Variants in TAF4 observed in about 807,000 individuals in gnomAD.
TAF4 encodes the protein TATA-box binding protein associated factor 4, also known as transcription initiation factor TFIID subunit 4.
Under a neutral mutation model 90.3 loss-of-function variants are expected in TAF4, and 9 were observed. The ratio of observed to expected loss-of-function variants is 0.10; its 90% confidence interval spans 0.06 to 0.17. The LOEUF (loss-of-function observed/expected upper bound fraction) is 0.17, where lower values mean the gene tolerates loss of function less well. TAF4 is among the 10% of genes least tolerant of loss of function. The pLI is 1.00. For synonymous variants in TAF4, 818 were observed against 638.9 expected, an observed-to-expected ratio of 1.28 and a Z score of -4.23; for missense variants, 1,351 against 1,370.7, an observed-to-expected ratio of 0.99 and a Z score of 0.23.
At position 61,999,091 on chromosome 20, in the gene TAF4, C is replaced by T; in HGVS notation, c.2805G>A (p.Glu935=). Residue 935 remains glutamate (E), a synonymous_variant, in exon 12 of 15, where the codon GAG becomes GAA. Transcript: ENST00000252996. ...NFSYKDDDRY[E]QASDVRAQLK... is the part of the protein sequence containing the mutation. ...GCTGTGCCCGGACGTCACTCGCCTGCTCATATCTGTCGTCATCCTATGAAG... is the reference window on the plus strand; with the variant it reads ...GCTGTGCCCGGACGTCACTCGCCTGTTCATATCTGTCGTCATCCTATGAAG... The T allele has an allele frequency of 6.2e-7, 1 of 1,614,138 alleles. No homozygotes were observed. Among genetic ancestry groups the T allele is most frequent in the Non-Finnish European group, 8.5e-7 (1 of 1,180,034 alleles).
At chr20:61,979,301 C>CA (rs2055519533) in intron 14 of TAF4, 1 of 152,628 alleles carries the variant, frequency 6.6e-6, no homozygotes, top group Admixed American at 6.5e-5. Flanking sequence ...GGTCATGGAG[C>CA]CTGCTTGGAG....
intron 13 of TAF4, among the ~76,000 whole-genome samples, 153 bp from the exon 14 acceptor site, chr20:61,997,822 A>C (rs1360187973): frequency 6.6e-6 from 1 of 152,218 alleles, no homozygotes; most frequent in Admixed American, 6.5e-5. Flanking sequence ...CATATTCTAT[A>C]ATCCAAAAAA....
chr20:62,064,588 A>C lies in TAF4; in HGVS notation c.1223T>G (p.Val408Gly), dbSNP rs1237739025. The change falls in exon 1 of 15, where the codon GTG (valine) becomes GGG (glycine). Residue 408 changes from valine to glycine, a missense_variant. By Grantham distance (109) the Val-to-Gly change is moderately radical (BLOSUM62 -3). Coordinates refer to ENST00000252996, the MANE Select transcript of TAF4 (RefSeq NM_003185.4). ...TGLPKGAAGA[V>G]TQSLSRTPTA... is the part of the protein sequence containing the mutation. ...GGGCGTCCGGGACAGGCTCTGGGTCACTGCGCCGGCCGCGCCTTTGGGCAG... is the reference window on the plus strand; with the variant it reads ...GGGCGTCCGGGACAGGCTCTGGGTCCCTGCGCCGGCCGCGCCTTTGGGCAG... 1.3e-6 allele frequency: 2 copies of C among 1,493,670 alleles called. No homozygotes were observed. Among genetic ancestry groups the C allele is most frequent in the Admixed American group, 2.2e-5 (1 of 45,774 alleles). 92.5% of individuals were successfully genotyped at this position (1,493,670 alleles called of 1,614,324 possible).
chr20:62,063,980 G>A (rs920447186), intron 1 of TAF4, among the ~76,000 whole-genome samples: 16 of 152,246 alleles, frequency 1.1e-4, no homozygotes, highest in Non-Finnish European at 1.5e-4. Context: ...GAAAGGCTAA[G>A]TGGGGACACA....
rs372146792 is a variant in TAF4 at position 61,998,233 on chromosome 20, C to G, written c.2914-41G>C. On this transcript the variant is annotated intron_variant, in intron 12 of 14. Coordinates refer to ENST00000252996, the MANE Select transcript of TAF4 (RefSeq NM_003185.4). ...GCAGAAAAGAAAAGTAAGTTATGAA[C>G]TAAATGTTTATCATTTAACAAATGT... 1.0e-3 allele frequency: 1,627 copies of G among 1,585,740 alleles called. 27 individuals are homozygous for G. The South Asian group carries it at 0.017, about 16-fold the overall frequency.
At chr20:61,982,881 G>A (rs1488920525) in intron 14 of TAF4, among the ~76,000 whole-genome samples, 4 of 151,940 alleles carry the variant, frequency 2.6e-5, no homozygotes, top group Non-Finnish European at 5.9e-5. Context: ...CTCCCAGCCT[G>A]CACCCCCCTC....
intron 1 of TAF4, among the ~76,000 whole-genome samples, chr20:62,020,680 A>G (rs2055837538): frequency 6.6e-6 from 1 of 152,222 alleles, no homozygotes; most frequent in Non-Finnish European, 1.5e-5. Flanking sequence ...CAGACACCAA[A>G]GCAGTGAACT....
intron 1 of TAF4, among the ~76,000 whole-genome samples, chr20:62,022,184 C>T (rs2055847734): frequency 6.6e-6 from 1 of 152,150 alleles, no homozygotes; most frequent in Admixed American, 6.5e-5. Flanking sequence ...GGTGGGTGGG[C>T]CTGCGATGGT....
chr20:62,015,521 C>T (rs919155892), intron 1 of TAF4, among the ~76,000 whole-genome samples: 1 of 152,178 alleles, frequency 6.6e-6, no homozygotes, highest in Non-Finnish European at 1.5e-5. Context: ...CACTCTTTCC[C>T]GAGTGAAGCC....
Position 62,006,571 on chromosome 20 carries a change from A to G in TAF4, c.2162T>C (p.Val721Ala). Residue 721 changes from valine (V) to alanine (A), a missense_variant, in exon 7 of 15, where the codon GTG becomes GCG. Physicochemically the swap from Val to Ala is moderately conservative, Grantham distance 64. Coordinates refer to ENST00000252996, the MANE Select transcript of TAF4 (RefSeq NM_003185.4). The surrounding 1 kb of genome is among the most constrained non-coding windows in gnomAD (Gnocchi z 7.0). ...CTGCGTGGGCTGCGTGAGGCTGAGC[A>G]CAGGGGGCTGGAGGGCACTGGTCAC... ...ATVTSALQPPVLSLTQPTQVG... is the reference protein window; with the variant it reads ...ATVTSALQPPALSLTQPTQVG... 6.3e-7 allele frequency: 1 copy of G among 1,591,040 alleles called. No homozygotes were observed. The highest frequency in any genetic ancestry group is 8.5e-7 in the Non-Finnish European group (1 of 1,171,438).
chr20:61,995,104 C>A (rs1386628949), intron 14 of TAF4, among the ~76,000 whole-genome samples: 4 of 152,208 alleles, frequency 2.6e-5, no homozygotes, highest in African/African-American at 9.6e-5. Context: ...AGTAACTCAA[C>A]CGCCTGCAAG....
Position 62,064,452 on chromosome 20 carries a change from TG to T in TAF4, c.1358del (p.Pro453GlnfsTer14). 4 of 1,430,776 alleles carry T rather than the reference TG, an allele frequency of 2.8e-6. No homozygotes were observed. Among genetic ancestry groups the T allele is most frequent in the East Asian group, 2.8e-5 (1 of 35,608 alleles). The allele number at this position is 1,430,776 out of a possible 1,614,324, so 88.6% of individuals were successfully genotyped here. A position where few individuals can be genotyped will look rare whatever the true frequency, so the allele number is the denominator to read the frequency against. On this transcript the variant is annotated frameshift_variant and splice_region_variant, in exon 1 of 15. Coordinates refer to ENST00000252996, the MANE Select transcript of TAF4 (RefSeq NM_003185.4). LOFTEE classifies it high-confidence loss of function. The part of the protein sequence containing the change: ...PTNIQNFQLP[P>X]GMVLVRSENG... ...CTCCCGCCCCGTGCGGCCACTCACC[TG>T]GGGGCAGCTGGAAGTTCTGGATGTT...
At chr20:62,000,087 A>G (rs774996326) in intron 11 of TAF4, 37 bp downstream of exon 11, 6 of 1,614,068 alleles carry the variant, frequency 3.7e-6, no homozygotes, top group Middle Eastern at 1.6e-4. Flanking sequence ...GGGGGCCAAC[A>G]ACATAAAGAC....
intron 1 of TAF4, chr20:62,037,559 G>A (rs1172751359): frequency 1.3e-5 from 2 of 152,588 alleles, no homozygotes; most frequent in African/African-American, 4.8e-5. Flanking sequence ...GGGGCGCCCT[G>A]TATGGATGAA....
rs369143235 is a variant in TAF4 at position 61,998,119 on chromosome 20, C to T, written c.2970+17G>A. On this transcript the variant is annotated intron_variant, in intron 13 of 14. Coordinates refer to ENST00000252996, the MANE Select transcript of TAF4 (RefSeq NM_003185.4). Reference sequence around the variant, plus strand: ...ACAGCAAAGTGCCCACGAGCACTCACGACTAACAGGGCTCACCTCCTTTGC... The same window carrying T: ...ACAGCAAAGTGCCCACGAGCACTCATGACTAACAGGGCTCACCTCCTTTGC... 4.5e-4 allele frequency: 732 copies of T among 1,613,696 alleles called. 11 individuals are homozygous for T. In the South Asian group the frequency reaches 7.5e-3, roughly 16 times the overall value.
intron 1 of TAF4, among the ~76,000 whole-genome samples, chr20:62,040,389 A>C (rs77829419): frequency 0.027 from 4,159 of 152,292 alleles, 199 homozygotes; most frequent in African/African-American, 0.095. Context: ...CCACTACATA[A>C]TCTCATTTAT....
At chr20:62,043,496 C>T (rs143299319) in intron 1 of TAF4, among the ~76,000 whole-genome samples, 57 of 152,164 alleles carry the variant, frequency 3.7e-4, no homozygotes, top group African/African-American at 1.3e-3. Flanking sequence ...CTAAGCATAC[C>T]CTAAGCATAG....
chr20:62,029,928 C>A (rs185816794), intron 1 of TAF4, among the ~76,000 whole-genome samples: 43 of 152,270 alleles, frequency 2.8e-4, no homozygotes, highest in Admixed American at 8.5e-4. Context: ...AAAAGAATGG[C>A]AGGCACAGGT....
intron 1 of TAF4, among the ~76,000 whole-genome samples, chr20:62,035,010 C>CG (rs2055924863): frequency 1.3e-5 from 2 of 151,876 alleles, no homozygotes; most frequent in African/African-American, 2.4e-5. Context: ...TTAGTAGAGA[C>CG]GGGGTTTCAC....
Sources: allele counts gnomAD v4.1 joint callset (sites outside exome capture counted in the v4.1 genomes callset), GRCh38; gene constraint gnomAD v4.1.1; non-coding constraint Gnocchi (gnomAD v3.1); transcripts MANE v1.5; gene names NCBI Gene and HGNC (gene_info 2026-07-23, HGNC 2026-07-21).